The following EXO1 variants were observed in gnomAD, a reference collection of about 807,000 sequenced individuals.
EXO1 encodes exonuclease 1.
EXO1 carries 69 observed loss-of-function variants against 84.5 expected under a neutral mutation model. The ratio of observed to expected loss-of-function variants is 0.82; its 90% CI spans 0.67 to 1.00. The LOEUF (loss-of-function observed/expected upper bound fraction) is 1.00, where lower values mean the gene tolerates loss of function less well. Among genes scored for constraint, EXO1 ranks in the 50% least tolerant of loss-of-function variants. EXO1 has a pLI of 0.00. For missense variants in EXO1, 1,045 were observed against 1,000.7 expected (o/e 1.04, Z -0.60); for synonymous variants, 373 against 366.1 (o/e 1.02, Z -0.21).
chr1:241,888,654 G>A (rs911041147), intron 15 of EXO1, among the ~76,000 whole-genome samples: 3 of 152,234 alleles, frequency 2.0e-5, no homozygotes, highest in African/African-American at 7.2e-5. Context: ...AAAAAAAGAT[G>A]TACTGGTATT....
intron 11 of EXO1, among the ~76,000 whole-genome samples, chr1:241,870,830 A>G (rs1436524034): frequency 6.6e-6 from 1 of 152,238 alleles, no homozygotes; most frequent in Non-Finnish European, 1.5e-5. Context: ...GTTTGCTTAT[A>G]TAATGTTTAA....
intron 5 of EXO1, 96 bp downstream of exon 5, chr1:241,852,507 C>T (rs1660730014): frequency 2.6e-6 from 3 of 1,136,654 alleles, no homozygotes; most frequent in Non-Finnish European, 3.9e-6. Context: ...AAGCCAGGCT[C>T]AGTGGCTTGC....
chr1:241,882,025 ATTTATTTAATT>A lies in EXO1; in HGVS notation c.2211+12_2211+22del. 1 of 1,339,278 alleles carries A rather than the reference ATTTATTTAATT, an allele frequency of 7.5e-7. No homozygotes were observed. The allele number at this position is 1,339,278 out of a possible 1,614,324, so 83.0% of individuals were successfully genotyped here. A position where few individuals can be genotyped will look rare whatever the true frequency, so the allele number is the denominator to read the frequency against. On this transcript the variant is annotated intron_variant, in intron 14 of 15. Transcript: ENST00000366548. ...ACACCTCTAAGGAACAAGGTAAAAC[ATTTATTTAATT>A]TTTTTTTTAATTTCAGAAGCGGTGT... is the stretch of plus-strand genomic sequence containing the variant.
In EXO1 at chr1:241,879,195, T is replaced by TA. The variant is rs1368365650; in HGVS notation, c.1964dup (p.Ser656GlufsTer6). ...AATAATATGTCTGATGTGTCGCAGT[T>TA]AAAGAGCGAGGAGTCCAGTGACGAT... On this transcript the variant is annotated frameshift_variant, in exon 13 of 16. Coordinates refer to ENST00000366548, the MANE Select transcript of EXO1 (RefSeq NM_130398.4). LOFTEE classifies it high-confidence loss of function. 3.1e-6 allele frequency: 5 copies of TA among 1,603,586 alleles called. No homozygotes were observed. The highest frequency in any genetic ancestry group is 4.3e-6 in the Non-Finnish European group (5 of 1,171,994).
At chr1:241,849,561 C>CT (rs1660535439) in intron 3 of EXO1, among the ~76,000 whole-genome samples, 1 of 152,226 alleles carries the variant, frequency 6.6e-6, no homozygotes, top group East Asian at 1.9e-4. Context: ...CTGTTTATTA[C>CT]CAGAATGTTC....
chr1:241,884,676 T>TGCGC (rs1553275075), intron 14 of EXO1, among the ~76,000 whole-genome samples: 46 of 141,646 alleles, frequency 3.2e-4, no homozygotes, highest in Middle Eastern at 3.8e-3. Flanking sequence ...TGTGTGTGTG[T>TGCGC]GCACGTGCAC....
In EXO1 at chr1:241,855,598, G is replaced by C. The variant is rs182478534; in HGVS notation, c.406-1747G>C. Among the ~76,000 whole-genome samples, 319 of 152,344 alleles carry C rather than the reference G, an allele frequency of 2.1e-3. 1 individual carries two copies. Among genetic ancestry groups the C allele is most frequent in the African/African-American group, 7.1e-3 (297 of 41,580 alleles). On this transcript the variant is annotated intron_variant, in intron 6 of 15. Transcript: ENST00000366548. Reference sequence around the variant, plus strand: ...TCTGCCCGCACTCCTCAGCCCTTGGGTGGTGGATGAGACTGGGCGCCGTGG... The same window carrying C: ...TCTGCCCGCACTCCTCAGCCCTTGGCTGGTGGATGAGACTGGGCGCCGTGG...
upstream of EXO1, chr1:241,848,070 C>T (rs1365073684): frequency 2.6e-5 from 4 of 152,394 alleles, no homozygotes; most frequent in African/African-American, 9.6e-5. This position sits in a 1 kb window ranked among gnomAD's most constrained non-coding sequence, Gnocchi z 4.2. Flanking sequence ...CCGCTGTCTA[C>T]CCAGCGAGAC....
At chr1:241,855,699 C>T (rs1460103841) in intron 6 of EXO1, among the ~76,000 whole-genome samples, 1 of 152,212 alleles carries the variant, frequency 6.6e-6, no homozygotes, top group East Asian at 1.9e-4. Flanking sequence ...TCAGGCATGG[C>T]GGGCTGCAGT....
chr1:241,871,932 A>G, intron 11 of EXO1, 100 bp from the exon 12 acceptor site: 1 of 732,220 alleles, frequency 1.4e-6, no homozygotes, highest in Non-Finnish European at 2.2e-6. Context: ...TTTTTTTTAA[A>G]GTCCTTATTT....
In EXO1 at chr1:241,849,496, A is replaced by G. The variant is rs183299183; in HGVS notation, c.-18+280A>G. Among the ~76,000 whole-genome samples the G allele has an allele frequency of 7.2e-5, 11 of 152,360 alleles. No homozygotes were observed. The East Asian group carries it at 2.1e-3, about 29-fold the overall frequency. On this transcript the variant is annotated intron_variant, in intron 3 of 15. Transcript: ENST00000366548. ...ATTTGCATAGCAGACGCAGTTTCAC[A>G]GTTCTTTAGGGTAGCTTTCAGAGAG...
intron 14 of EXO1, among the ~76,000 whole-genome samples, chr1:241,882,990 G>A (rs951379317): frequency 2.0e-5 from 3 of 152,098 alleles, no homozygotes; most frequent in African/African-American, 7.2e-5. Context: ...ACTTAATACT[G>A]CATTGGTTAT....
At chr1:241,885,240 A>AT in intron 14 of EXO1, 74 bp from the exon 15 acceptor site, 4 of 818,540 alleles carry the variant, frequency 4.9e-6, no homozygotes, top group Non-Finnish European at 7.5e-6. Context: ...AAATAAGTAA[A>AT]GAATAAAGAA....
intron 12 of EXO1, among the ~76,000 whole-genome samples, chr1:241,874,307 G>A (rs970968931): frequency 6.6e-6 from 1 of 152,192 alleles, no homozygotes; most frequent in African/African-American, 2.4e-5. Context: ...GCTGAGACAC[G>A]AGAATTGCTT....
chr1:241,870,107 G>T (rs1403685824), intron 11 of EXO1, among the ~76,000 whole-genome samples: 4 of 152,150 alleles, frequency 2.6e-5, no homozygotes, highest in Non-Finnish European at 4.4e-5. Flanking sequence ...ACTGCGCCTG[G>T]CCTGTACATG....
At position 241,878,884 on chromosome 1, in the gene EXO1, G is replaced by A. The variant is rs777472126; in HGVS notation, c.1650G>A (p.Leu550=). Residue 550 remains leucine, a synonymous_variant, in exon 13 of 16, where the codon CTG becomes CTA. Coordinates refer to ENST00000366548, the MANE Select transcript of EXO1 (RefSeq NM_130398.4). ...ATGGAGACCAAGAAGGCAAGAGACT[G>A]GTTGACACAGATGTAGCACGTAATT... The part of the protein sequence containing the change: ...SEYGDQEGKR[L]VDTDVARNSS... 2 of 1,614,102 alleles carry A rather than the reference G, an allele frequency of 1.2e-6. No homozygotes were observed. Among genetic ancestry groups the A allele is most frequent in the South Asian group, 2.2e-5 (2 of 91,084 alleles).
Position 241,872,282 on chromosome 1 carries a change from T to C in EXO1, c.1514+4T>C, listed in dbSNP as rs1465478752. 2 of 1,613,710 alleles carry C rather than the reference T, an allele frequency of 1.2e-6. No homozygotes were observed. Among genetic ancestry groups the C allele is most frequent in the Non-Finnish European group, 1.7e-6 (2 of 1,179,652 alleles). On this transcript the variant is annotated splice_donor_region_variant and intron_variant, in intron 12 of 15. Coordinates refer to ENST00000366548, the MANE Select transcript of EXO1 (RefSeq NM_130398.4). ...TGGTTCCAGGGACCAGAAGCAGGTA[T>C]AGTTATGTCTCCAGAATGTTGATTG...
At position 241,889,736 on chromosome 1, in the gene EXO1, T is replaced by C. The variant is rs945988614; in HGVS notation, c.*136T>C. On this transcript the variant is annotated 3_prime_UTR_variant, in exon 16 of 16. Transcript: ENST00000366548. ...TTTTAAAAATAGAATACATTTTGTA[T>C]ATTAACTTTATAATTGGGTTGTGGT... 9.4e-6 allele frequency: 8 copies of C among 849,042 alleles called. No individual in the cohort carries two copies. In the South Asian group the frequency reaches 1.2e-4, roughly 12 times the overall value. 52.6% of individuals were successfully genotyped at this position (849,042 alleles called of 1,614,324 possible). A position where few individuals can be genotyped will look rare whatever the true frequency, so the allele number is the denominator to read the frequency against.
At chr1:241,885,578 C>T in intron 15 of EXO1, 71 bp downstream of exon 15, 1 of 1,144,774 alleles carries the variant, frequency 8.7e-7, no homozygotes, top group East Asian at 2.4e-5. Flanking sequence ...CCCTTTCTCC[C>T]AACTCTTCCT....
Sources: gnomAD v4.1 joint callset for allele counts (sites outside exome capture counted in the v4.1 genomes callset) on GRCh38, gnomAD v4.1.1 for gene constraint, Gnocchi (gnomAD v3.1) non-coding constraint, MANE v1.5 for transcripts, NCBI Gene and HGNC (gene_info 2026-07-23, HGNC 2026-07-21) for gene names.